The following GABRG3 variants were observed in gnomAD, a reference collection of about 807,000 sequenced individuals.
GABRG3 encodes gamma-aminobutyric acid type A receptor subunit gamma3.
Under a neutral mutation model 48.8 loss-of-function variants are expected in GABRG3, and 25 were observed. The observed-to-expected ratio is 0.51, with a 90% CI of 0.37 to 0.72. The LOEUF is 0.72. Ranked by LOEUF, GABRG3 falls within the 30% of genes least tolerant of loss-of-function variation. The pLI, the probability that GABRG3 is intolerant of heterozygous loss-of-function variation, is 0.00. For synonymous variants in GABRG3, 227 were observed against 217.6 expected, an observed-to-expected ratio of 1.04 and a Z score of -0.38; for missense variants, 394 against 577.9, an observed-to-expected ratio of 0.68 and a Z score of 3.26.
chr15:27,141,654 A>G (rs1201304628), intron 3 of GABRG3, among the ~76,000 whole-genome samples: 1 of 152,224 alleles, frequency 6.6e-6, no homozygotes, highest in Non-Finnish European at 1.5e-5. Context: ...GAGGGAGGGT[A>G]GTGGCAGTTA....
intron 3 of GABRG3, among the ~76,000 whole-genome samples, chr15:27,286,659 T>C (rs892800035): frequency 1.3e-5 from 2 of 152,224 alleles, no homozygotes; most frequent in Non-Finnish European, 2.9e-5. Flanking sequence ...GAAGCATCAA[T>C]AATTCAGTCT....
intron 3 of GABRG3, among the ~76,000 whole-genome samples, chr15:27,240,558 AAT>A (rs1890101933): frequency 6.6e-6 from 1 of 152,248 alleles, no homozygotes; most frequent in Admixed American, 6.5e-5. Flanking sequence ...GAATTACCAA[AAT>A]AAATCATTTA....
intron 5 of GABRG3, among the ~76,000 whole-genome samples, chr15:27,346,468 T>C (rs1265480518): frequency 2.0e-5 from 3 of 152,206 alleles, no homozygotes; most frequent in Non-Finnish European, 1.5e-5. Flanking sequence ...CTTCCTGTTT[T>C]GTAGTTTTTT....
intron 7 of GABRG3, among the ~76,000 whole-genome samples, chr15:27,526,379 G>A (rs1571280): frequency 0.63 from 95,364 of 152,062 alleles, 31,069 homozygotes; most frequent in African/African-American, 0.81. Context: ...CTAGTACTGC[G>A]ATGCAGATAT....
intron 2 of GABRG3, among the ~76,000 whole-genome samples, chr15:26,983,924 T>A (rs1383629221): frequency 1.3e-5 from 2 of 152,162 alleles, no homozygotes; most frequent in African/African-American, 4.8e-5. Context: ...TGTTTTCTTC[T>A]TCTGGACCCT....
chr15:26,988,659 C>T (rs371135292), intron 2 of GABRG3, among the ~76,000 whole-genome samples: 10 of 152,120 alleles, frequency 6.6e-5, no homozygotes, highest in African/African-American at 2.2e-4. Context: ...GCTATTGATG[C>T]AGTTTGATTT....
chr15:27,229,502 G>A (rs764934450), intron 3 of GABRG3, among the ~76,000 whole-genome samples: 16 of 151,132 alleles, frequency 1.1e-4, no homozygotes, highest in Non-Finnish European at 2.4e-4. Context: ...TTGAGAAGGG[G>A]GTCTCACTCT....
intron 2 of GABRG3, among the ~76,000 whole-genome samples, chr15:26,995,422 A>G (rs895771946): frequency 6.6e-6 from 1 of 151,738 alleles, no homozygotes; most frequent in Non-Finnish European, 1.5e-5. Flanking sequence ...TGCCCATTAT[A>G]TTGTTTAATC....
intron 6 of GABRG3, among the ~76,000 whole-genome samples, chr15:27,515,785 C>G (rs2150860237): frequency 6.6e-6 from 1 of 152,298 alleles, no homozygotes; most frequent in East Asian, 1.9e-4. Flanking sequence ...ACAAAAGATT[C>G]ACCTAGTCCG....
intron 3 of GABRG3, among the ~76,000 whole-genome samples, chr15:27,302,224 A>G (rs915164708): frequency 2.6e-5 from 4 of 152,142 alleles, no homozygotes; most frequent in Non-Finnish European, 5.9e-5. Context: ...AGAATTCTCC[A>G]TGTATGTATA....
chr15:27,476,838 G>A (rs973483961), intron 5 of GABRG3, among the ~76,000 whole-genome samples: 5 of 152,046 alleles, frequency 3.3e-5, no homozygotes, highest in Non-Finnish European at 7.4e-5. Flanking sequence ...AAATCCCAAC[G>A]AACTTAATGA....
chr15:27,368,793 G>A (rs1423622364), intron 5 of GABRG3, among the ~76,000 whole-genome samples: 1 of 152,118 alleles, frequency 6.6e-6, no homozygotes, highest in Non-Finnish European at 1.5e-5. Flanking sequence ...TGGGAGTCTG[G>A]GAGGCTTTAT....
chr15:27,250,460 C>A (rs1208139597), intron 3 of GABRG3, among the ~76,000 whole-genome samples: 1 of 152,184 alleles, frequency 6.6e-6, no homozygotes, highest in Non-Finnish European at 1.5e-5. Context: ...GAAAAGGAGT[C>A]TCCCTCTGTT....
At chr15:27,214,281 A>G (rs1045653923) in intron 3 of GABRG3, among the ~76,000 whole-genome samples, 8 of 152,244 alleles carry the variant, frequency 5.3e-5, no homozygotes, top group Non-Finnish European at 1.2e-4. Flanking sequence ...CATTCTGATT[A>G]GATGCAAGGC....
intron 3 of GABRG3, among the ~76,000 whole-genome samples, chr15:27,088,989 C>G (rs554457982): frequency 2.0e-5 from 3 of 152,188 alleles, no homozygotes; most frequent in African/African-American, 7.2e-5. Flanking sequence ...CACGGGAGAG[C>G]CTGGGGGTGT....
chr15:27,431,296 A>T lies in GABRG3; in HGVS notation c.575-49354A>T, dbSNP rs143275233. On this transcript the variant is annotated intron_variant, in intron 5 of 9. Coordinates refer to ENST00000615808, the MANE Select transcript of GABRG3 (RefSeq NM_033223.5). ...TGAGTGCCATCTGGAAGTTTTAAAAATTGCATCATTTTTGTAACTCGCCTT... is the reference window on the plus strand; with the variant it reads ...TGAGTGCCATCTGGAAGTTTTAAAATTTGCATCATTTTTGTAACTCGCCTT... Among the ~76,000 whole-genome samples the T allele has an allele frequency of 2.8e-3, 428 of 152,254 alleles. 1 individual carries two copies. Among genetic ancestry groups the T allele is most frequent in the African/African-American group, 9.6e-3 (401 of 41,558 alleles).
At chr15:27,249,797 G>T (rs1890397067) in intron 3 of GABRG3, among the ~76,000 whole-genome samples, 1 of 152,180 alleles carries the variant, frequency 6.6e-6, no homozygotes, top group Non-Finnish European at 1.5e-5. Flanking sequence ...GGGAGGAATG[G>T]CAAAAAGAAA....
chr15:27,292,948 T>C (rs568766553), intron 3 of GABRG3, among the ~76,000 whole-genome samples: 1 of 152,312 alleles, frequency 6.6e-6, no homozygotes, highest in East Asian at 1.9e-4. Context: ...TATTAGTCAT[T>C]AATAATATTA....
intron 3 of GABRG3, among the ~76,000 whole-genome samples, chr15:27,066,604 A>G (rs1250202255): frequency 6.6e-6 from 1 of 152,168 alleles, no homozygotes; most frequent in Non-Finnish European, 1.5e-5. Context: ...AGTGGTATCC[A>G]CAGGTGCAGG....
Sources: allele counts gnomAD v4.1 joint callset (sites outside exome capture counted in the v4.1 genomes callset), GRCh38; gene constraint gnomAD v4.1.1; transcripts MANE v1.5; gene names NCBI Gene and HGNC (gene_info 2026-07-23, HGNC 2026-07-21).